MDGA2: variants seen among roughly 807,000 people sequenced by gnomAD.
The protein encoded by MDGA2 is MAM domain containing glycosylphosphatidylinositol anchor 2.
Under a neutral mutation model 117.8 loss-of-function variants are expected in MDGA2, and 40 were observed. That is an observed-to-expected ratio of 0.34 (90% confidence interval 0.26 to 0.44). MDGA2 has a LOEUF of 0.44. Among genes scored for constraint, MDGA2 ranks in the 20% least tolerant of loss-of-function variants. The probability of loss-of-function intolerance (pLI) is 1.00; values close to 1 mark genes in which losing one functional copy is unlikely to be tolerated. For synonymous variants in MDGA2, 452 were observed against 439.0 expected (o/e 1.03, Z -0.37); for missense variants, 1,123 against 1,250.6 (o/e 0.90, Z 1.54).
intron 3 of MDGA2, among the ~76,000 whole-genome samples, chr14:47,163,999 AGACT>A (rs1192574064): frequency 1.3e-5 from 2 of 152,204 alleles, no homozygotes; most frequent in Non-Finnish European, 2.9e-5. Flanking sequence ...TCTAGCTCAC[AGACT>A]GTTTTCCAAA....
At chr14:47,436,624 C>T (rs1465272905) in intron 1 of MDGA2, among the ~76,000 whole-genome samples, 1 of 151,954 alleles carries the variant, frequency 6.6e-6, no homozygotes, top group Non-Finnish European at 1.5e-5. Context: ...TTTCCTGGGC[C>T]ACATTAAAAT....
chr14:47,277,322 G>T (rs898981100), intron 2 of MDGA2, among the ~76,000 whole-genome samples: 29 of 152,150 alleles, frequency 1.9e-4, no homozygotes, highest in African/African-American at 6.8e-4. Context: ...TATGCAATGT[G>T]GATAAACAGT....
chr14:47,574,303 C>T (rs761680), intron 1 of MDGA2, among the ~76,000 whole-genome samples: 118,832 of 151,898 alleles, frequency 0.78, 46,792 homozygotes, highest in East Asian at 1. Context: ...GGCTGCTTGC[C>T]AAGGTCCCCA....
intron 1 of MDGA2, among the ~76,000 whole-genome samples, chr14:47,639,382 T>G (rs548546814): frequency 1.3e-5 from 2 of 152,306 alleles, no homozygotes; most frequent in East Asian, 3.9e-4. Context: ...CAGACATAGA[T>G]AAATCCTTTG....
chr14:47,007,377 C>T (rs1453090828), intron 8 of MDGA2, among the ~76,000 whole-genome samples: 1 of 151,750 alleles, frequency 6.6e-6, no homozygotes, highest in Non-Finnish European at 1.5e-5. Flanking sequence ...TGTTGGGTGT[C>T]CACCATGGCT....
In MDGA2 at chr14:47,537,573, T is replaced by TAAAAAAAAAAA. The variant is rs1566504353; in HGVS notation, c.280+136943_280+136944insTTTTTTTTTTT. Among the ~76,000 whole-genome samples, 25 of 57,096 alleles carry TAAAAAAAAAAA rather than the reference T, an allele frequency of 4.4e-4. 2 individuals are homozygous for TAAAAAAAAAAA. The highest frequency in any genetic ancestry group is 9.9e-4 in the South Asian group (1 of 1,008). 37.5% of individuals were successfully genotyped at this position (57,096 alleles called of 152,430 possible). ...ATTATCCACTGTTACCTTCTCTCTG[T>TAAAAAAAAAAA]TAAAAAAAAAAAAAAAAAAAAAAAA... On this transcript the variant is annotated intron_variant, in intron 1 of 16. Coordinates refer to ENST00000399232, the MANE Select transcript of MDGA2 (RefSeq NM_001113498.3).
chr14:47,295,003 AT>A (rs1455943403), intron 2 of MDGA2, among the ~76,000 whole-genome samples: 1 of 152,220 alleles, frequency 6.6e-6, no homozygotes, highest in East Asian at 1.9e-4. Flanking sequence ...GCCTAGCCAA[AT>A]TTTTTTATGC....
At chr14:47,169,827 C>T (rs1356812081) in intron 3 of MDGA2, among the ~76,000 whole-genome samples, 1 of 151,858 alleles carries the variant, frequency 6.6e-6, no homozygotes, top group Non-Finnish European at 1.5e-5. Flanking sequence ...CTAGATACTA[C>T]TGATTAAAGG....
intron 1 of MDGA2, among the ~76,000 whole-genome samples, chr14:47,599,788 CG>C (rs1186277168): frequency 6.6e-6 from 1 of 152,106 alleles, no homozygotes; most frequent in Non-Finnish European, 1.5e-5. Context: ...AGCCAGGGCT[CG>C]GAATCAAGTC....
In MDGA2 at chr14:47,036,660, A is replaced by C. The variant is rs188474750; in HGVS notation, c.1526-1356T>G. Among the ~76,000 whole-genome samples the C allele has an allele frequency of 2.5e-4, 38 of 152,382 alleles. 1 individual carries two copies. Among genetic ancestry groups the C allele is most frequent in the African/African-American group, 8.7e-4 (36 of 41,598 alleles). On this transcript the variant is annotated intron_variant, in intron 7 of 16. Coordinates refer to ENST00000399232, the MANE Select transcript of MDGA2 (RefSeq NM_001113498.3). ...GTTCCCTTTGGAAGTAGTACTGCAC[A>C]TGAATGAAAAGTGAAAGGTTTTACT...
chr14:47,247,308 T>A (rs1289399731), intron 2 of MDGA2, among the ~76,000 whole-genome samples: 6 of 34,512 alleles, frequency 1.7e-4, no homozygotes, highest in African/African-American at 6.8e-4. Context: ...AGTTTCATAT[T>A]TTTTTTTTTT....
chr14:47,536,678 C>CT (rs894431541), intron 1 of MDGA2, among the ~76,000 whole-genome samples: 13 of 152,058 alleles, frequency 8.5e-5, no homozygotes, highest in Admixed American at 2.6e-4. Flanking sequence ...CTACTACTAA[C>CT]TTTTTTTTTC....
intron 1 of MDGA2, among the ~76,000 whole-genome samples, chr14:47,368,551 C>T (rs11625301): frequency 0.24 from 35,712 of 151,864 alleles, 4,322 homozygotes; most frequent in South Asian, 0.37. Context: ...TTATGCTTTG[C>T]GGGGGCAAGA....
chr14:47,476,608 G>A (rs1435144448), intron 1 of MDGA2, among the ~76,000 whole-genome samples: 1 of 151,610 alleles, frequency 6.6e-6, no homozygotes, highest in Non-Finnish European at 1.5e-5. Context: ...TTTGTGCCTA[G>A]AAAAAATCTG....
Position 47,665,573 on chromosome 14 carries a change from G to A in MDGA2, c.280+8944C>T, listed in dbSNP as rs144746986. On this transcript the variant is annotated intron_variant, in intron 1 of 16. Coordinates refer to ENST00000399232, the MANE Select transcript of MDGA2 (RefSeq NM_001113498.3). ...AACCAGGGCTGCGCTGGGCACTTGT[G>A]GGCCAGCTGGAGTTCCGGGTGGGCG... is the stretch of plus-strand genomic sequence containing the variant. Among the ~76,000 whole-genome samples, 26 of 152,310 alleles carry A rather than the reference G, an allele frequency of 1.7e-4. No individual in the cohort carries two copies. The East Asian group carries it at 4.1e-3, about 24-fold the overall frequency.
chr14:46,842,046 CA>C (rs750837799), intron 16 of MDGA2, 27 bp from the exon 17 acceptor site: 5 of 1,526,372 alleles, frequency 3.3e-6, no homozygotes, highest in South Asian at 1.1e-5. Flanking sequence ...TAAATGCAAA[CA>C]AAAAAAGAAG....
At chr14:47,047,455 G>A (rs1483162866) in intron 7 of MDGA2, among the ~76,000 whole-genome samples, 8 of 152,092 alleles carry the variant, frequency 5.3e-5, no homozygotes, top group Admixed American at 3.9e-4. Context: ...TAAAGAGCAA[G>A]GCTTATGTCT....
chr14:47,612,856 A>T (rs1896877837), intron 1 of MDGA2, among the ~76,000 whole-genome samples: 1 of 152,178 alleles, frequency 6.6e-6, no homozygotes, highest in Non-Finnish European at 1.5e-5. Context: ...TGATAAGGCA[A>T]ATGTGCTCCA....
At chr14:47,592,545 C>CCA (rs1896461053) in intron 1 of MDGA2, among the ~76,000 whole-genome samples, 1 of 151,538 alleles carries the variant, frequency 6.6e-6, no homozygotes, top group Non-Finnish European at 1.5e-5. Context: ...AACAGACACA[C>CCA]CAATGGGATG....
Sources: allele counts gnomAD v4.1 joint callset (sites outside exome capture counted in the v4.1 genomes callset), GRCh38; gene constraint gnomAD v4.1.1; transcripts MANE v1.5; gene names NCBI Gene and HGNC (gene_info 2026-07-23, HGNC 2026-07-21).